The following LMLN variants were observed in gnomAD, a reference collection of about 807,000 sequenced individuals.
LMLN encodes the protein leishmanolysin-like peptidase.
Under a neutral mutation model 92.3 loss-of-function variants are expected in LMLN, and 70 were observed. That is an observed-to-expected ratio of 0.76 (90% CI 0.63 to 0.92). LMLN has a LOEUF of 0.92. LMLN is among the 40% of genes least tolerant of loss of function. LMLN has a pLI of 0.00. For synonymous variants in LMLN, 308 were observed against 296.2 expected, an observed-to-expected ratio of 1.04 and a Z score of -0.41; for missense variants, 691 against 814.6, an observed-to-expected ratio of 0.85 and a Z score of 1.85.
chr3:198,015,803 T>G (rs889527609), intron 11 of LMLN, among the ~76,000 whole-genome samples: 2 of 152,164 alleles, frequency 1.3e-5, no homozygotes, highest in African/African-American at 4.8e-5. Flanking sequence ...AGTGTCTGGG[T>G]TTTTAGTTGT....
intron 8 of LMLN, among the ~76,000 whole-genome samples, chr3:197,987,158 ATTTT>A (rs772089146): frequency 2.6e-5 from 2 of 77,602 alleles, no homozygotes; most frequent in Non-Finnish European, 2.7e-5. Flanking sequence ...ATATGTTTGA[ATTTT>A]TTTTTTTTTT....
chr3:198,005,638 CT>C (rs745643545), intron 11 of LMLN, among the ~76,000 whole-genome samples: 163 of 140,462 alleles, frequency 1.2e-3, no homozygotes, highest in Middle Eastern at 3.6e-3. Context: ...TTTTCTTTTT[CT>C]TTTTTTTTTT....
At chr3:197,986,844 CTT>C (rs749444175) in intron 8 of LMLN, among the ~76,000 whole-genome samples, 22 of 133,734 alleles carry the variant, frequency 1.6e-4, no homozygotes, top group Admixed American at 2.2e-4. Flanking sequence ...AATTTTTTTT[CTT>C]TTTTTTTTTT....
At chr3:197,979,557 C>A (rs1181547828) in intron 5 of LMLN, among the ~76,000 whole-genome samples, 1 of 152,024 alleles carries the variant, frequency 6.6e-6, no homozygotes, top group East Asian at 1.9e-4. Flanking sequence ...GTGGCTCATG[C>A]CTGTAATCCC....
chr3:197,999,971 A>G (rs184142263), intron 11 of LMLN, among the ~76,000 whole-genome samples: 2 of 152,388 alleles, frequency 1.3e-5, no homozygotes, highest in East Asian at 1.9e-4. Context: ...CAATGTTTAA[A>G]TTATGAAGGA....
chr3:198,040,961 G>A (rs1278992532), exon 16 of LMLN: 3 of 150,686 alleles, frequency 2.0e-5, no homozygotes, highest in African/African-American at 7.4e-5. Flanking sequence ...CCATGGCATT[G>A]TAACCACAAC....
At chr3:198,034,652 T>A (rs561560474) in intron 14 of LMLN, among the ~76,000 whole-genome samples, 1 of 152,322 alleles carries the variant, frequency 6.6e-6, no homozygotes, top group African/African-American at 2.4e-5. Flanking sequence ...TTACTATTTC[T>A]AAATGTTTTA....
intron 11 of LMLN, among the ~76,000 whole-genome samples, chr3:198,001,803 C>A (rs1722181419): frequency 6.6e-6 from 1 of 152,010 alleles, no homozygotes; most frequent in Non-Finnish European, 1.5e-5. Context: ...AACTTTCAAG[C>A]CTATTTTTTT....
rs1214035046 is a variant in LMLN, at chr3:197,960,269, A to G, written c.48A>G (p.Gly16=). 2.5e-6 allele frequency: 4 copies of G among 1,613,188 alleles called. No individual in the cohort carries two copies. In the South Asian group the frequency reaches 3.3e-5, roughly 13 times the overall value. The change falls in exon 1 of 16, where the codon GGA becomes GGG. Residue 16 remains glycine, a synonymous_variant. Coordinates refer to ENST00000330198, the Ensembl canonical transcript of LMLN. ...AGATGGCGGCCGAATGGGGCGGAGG[A>G]GTGGGTTACTCGGGCTCAGGCCCGG...
At chr3:198,038,451 C>G (rs1581191376) in intron 15 of LMLN, 116 bp from the exon 17 acceptor site, 1 of 764,312 alleles carries the variant, frequency 1.3e-6, no homozygotes, top group East Asian at 2.5e-5. Flanking sequence ...ATTTAGCTCT[C>G]AAGGTGGTCC....
intron 1 of LMLN, among the ~76,000 whole-genome samples, chr3:197,972,476 C>T (rs1455556277): frequency 6.6e-6 from 1 of 152,174 alleles, no homozygotes; most frequent in Non-Finnish European, 1.5e-5. Flanking sequence ...TATCTGCTTA[C>T]TCATTATGTG....
At chr3:198,041,628 C>T (rs997562752) in exon 16 of LMLN, 1 of 152,114 alleles carries the variant, frequency 6.6e-6, no homozygotes, top group African/African-American at 2.4e-5. Flanking sequence ...GGTCTGCGGG[C>T]CAGTGCTCAT....
intron 1 of LMLN, among the ~76,000 whole-genome samples, chr3:197,962,227 G>C (rs924939835): frequency 2.6e-5 from 4 of 151,922 alleles, no homozygotes; most frequent in Middle Eastern, 6.8e-3. Context: ...TGTATTGAAT[G>C]GAATTATATG....
intron 6 of LMLN, among the ~76,000 whole-genome samples, chr3:197,983,592 CTG>C (rs1257285795): frequency 6.6e-6 from 1 of 152,164 alleles, no homozygotes; most frequent in Non-Finnish European, 1.5e-5. Context: ...CTGCTTGTCT[CTG>C]TGCCCGTAGA....
intron 11 of LMLN, among the ~76,000 whole-genome samples, chr3:198,015,055 AC>A (rs1439665294): frequency 6.8e-6 from 1 of 147,438 alleles, no homozygotes; most frequent in Non-Finnish European, 1.5e-5. Flanking sequence ...ACTTCTCTCC[AC>A]CCTTCAGAGC....
chr3:197,961,566 T>C (rs1720886757), intron 1 of LMLN, among the ~76,000 whole-genome samples: 1 of 152,222 alleles, frequency 6.6e-6, no homozygotes, highest in Admixed American at 6.5e-5. Flanking sequence ...CTCTTTTAAT[T>C]TGGATTAAAA....
chr3:197,973,408 A>T (rs2109853597), intron 1 of LMLN, among the ~76,000 whole-genome samples: 1 of 151,854 alleles, frequency 6.6e-6, no homozygotes, highest in Non-Finnish European at 1.5e-5. Context: ...TGCCCGGCTA[A>T]TTTTTTTGTA....
intron 9 of LMLN, among the ~76,000 whole-genome samples, 199 bp downstream of exon 9, chr3:197,990,875 C>G (rs1308870554): frequency 6.6e-6 from 1 of 152,130 alleles, no homozygotes; most frequent in African/African-American, 2.4e-5. Flanking sequence ...CTCACAGCTC[C>G]TATCCCACCC....
intron 11 of LMLN, among the ~76,000 whole-genome samples, chr3:198,015,816 T>G (rs1203479923): frequency 6.6e-6 from 1 of 152,216 alleles, no homozygotes; most frequent in African/African-American, 2.4e-5. Flanking sequence ...TTAGTTGTAC[T>G]TAGAAGGGGG....
Sources: allele counts gnomAD v4.1 joint callset (sites outside exome capture counted in the v4.1 genomes callset), GRCh38; gene constraint gnomAD v4.1.1; transcripts MANE v1.5; gene names NCBI Gene and HGNC (gene_info 2026-07-23, HGNC 2026-07-21).